Variants in NOXA1 observed in about 807,000 individuals in gnomAD.
NOXA1 encodes NCF2-like protein.
In NOXA1, 56 loss-of-function variants were observed where a neutral mutation model predicts 64.8. The ratio of observed to expected loss-of-function variants is 0.86; its 90% CI spans 0.70 to 1.08. The LOEUF (loss-of-function observed/expected upper bound fraction) is 1.08, where lower values mean the gene tolerates loss of function less well. Ranked by LOEUF, NOXA1 falls within the 50% of genes least tolerant of loss-of-function variation. NOXA1 has a pLI of 0.00. For missense variants in NOXA1, 668 were observed against 658.5 expected (o/e 1.01, Z -0.16); for synonymous variants, 295 against 294.8 (o/e 1.00, Z -0.01).
intron 2 of NOXA1, among the ~76,000 whole-genome samples, chr9:137,427,764 G>A (rs1223554889): frequency 6.6e-6 from 1 of 152,242 alleles, no homozygotes; most frequent in Non-Finnish European, 1.5e-5. Flanking sequence ...GAGAGGCTTG[G>A]GGGCGGGCAG....
At position 137,433,792 on chromosome 9, in the gene NOXA1, C is replaced by T. The variant is rs138118682; in HGVS notation, c.1107C>T (p.Pro369=). The change falls in exon 12 of 14, where the codon CCC becomes CCT. Residue 369 remains proline, a synonymous_variant. Coordinates refer to ENST00000683555, the MANE Select transcript of NOXA1 (RefSeq NM_001256067.2). ...AGGACGGGCACTGGGTCCCCATCCC[C>T]GAGGAGGAGTCGCTGCAGAGGGCCT... ...PGEDGHWVPI[P]EEESLQRAWQ... 430 of 1,454,282 alleles carry T rather than the reference C, an allele frequency of 3.0e-4. 5 individuals are homozygous for T. The East Asian group carries it at 0.01, about 35-fold the overall frequency. 90.1% of individuals were successfully genotyped at this position (1,454,282 alleles called of 1,614,324 possible).
At chr9:137,427,235 T>C (rs1838877391) in intron 2 of NOXA1, among the ~76,000 whole-genome samples, 1 of 152,066 alleles carries the variant, frequency 6.6e-6, no homozygotes, top group Admixed American at 6.5e-5. Flanking sequence ...GGCTCACGGG[T>C]GTGAGAACTA....
Position 137,423,497 on chromosome 9 carries a change from C to T in NOXA1, c.-33C>T. 1 of 1,279,242 alleles carries T rather than the reference C, an allele frequency of 7.8e-7. No individual in the cohort carries two copies. Among genetic ancestry groups the T allele is most frequent in the Non-Finnish European group, 9.9e-7 (1 of 1,012,922 alleles). The allele number at this position is 1,279,242 out of a possible 1,614,324, so 79.2% of individuals were successfully genotyped here. ...CCGGCCCCGGCCCCTCCGCGGGATC[C>T]TGGCCCCTCCTCGAGCGCCGCCACC... On this transcript the variant is annotated 5_prime_UTR_variant, in exon 1 of 14. Coordinates refer to ENST00000683555, the MANE Select transcript of NOXA1 (RefSeq NM_001256067.2).
At chr9:137,433,398 C>G in intron 10 of NOXA1, 55 bp from the exon 11 acceptor site, 3 of 1,548,836 alleles carry the variant, frequency 1.9e-6, no homozygotes, top group South Asian at 2.3e-5. Context: ...TGAAGACGGC[C>G]CTGACCAGGC....
In NOXA1 at chr9:137,431,457, G is replaced by A; in HGVS notation, c.804+116G>A. 1 of 837,600 alleles carries A rather than the reference G, an allele frequency of 1.2e-6. No individual in the cohort carries two copies. Among genetic ancestry groups the A allele is most frequent in the Non-Finnish European group, 1.9e-6 (1 of 525,710 alleles). 51.9% of individuals were successfully genotyped at this position (837,600 alleles called of 1,614,324 possible). A position where few individuals can be genotyped will look rare whatever the true frequency, so the allele number is the denominator to read the frequency against. ...GGAGGGAGCAGCTCGCTGGGGGGTA[G>A]ACGGGGCCGGGCTCACCCGTGGTCC... On this transcript the variant is annotated intron_variant, in intron 8 of 13. Coordinates refer to ENST00000683555, the MANE Select transcript of NOXA1 (RefSeq NM_001256067.2). This position sits in a 1 kb window ranked among gnomAD's most constrained non-coding sequence, Gnocchi z 5.6.
rs370508608 is a variant in NOXA1, at chr9:137,431,122, C to A, written c.698+22C>A. On this transcript the variant is annotated intron_variant, in intron 7 of 13. Transcript: ENST00000683555. This position sits in a 1 kb window ranked among gnomAD's most constrained non-coding sequence, Gnocchi z 5.6. The stretch of plus-strand genomic sequence containing the variant: ...CCAGGTAGGAGGGGCTGACTGGGCC[C>A]TGCGAGCGCGTGCCTTTCCTGCTGG... 3 of 1,612,814 alleles carry A rather than the reference C, an allele frequency of 1.9e-6. No homozygotes were observed. Among genetic ancestry groups the A allele is most frequent in the South Asian group, 1.1e-5 (1 of 91,072 alleles).
intron 5 of NOXA1, among the ~76,000 whole-genome samples, chr9:137,429,923 T>C (rs1186373479): frequency 2.1e-5 from 2 of 96,720 alleles, no homozygotes; most frequent in East Asian, 3.5e-4. Context: ...CTGCCACAGA[T>C]AGCGAGGTCC....
intron 3 of NOXA1, among the ~76,000 whole-genome samples, 173 bp from the exon 4 acceptor site, chr9:137,428,709 A>G (rs1838949830): frequency 1.1e-5 from 1 of 93,032 alleles, no homozygotes; most frequent in African/African-American, 4.2e-5. Context: ...ACGGGGGAGA[A>G]GCCAGGTGGG....
At chr9:137,429,229 C>A in intron 4 of NOXA1, 47 bp from the exon 5 acceptor site, 1 of 1,420,644 alleles carries the variant, frequency 7.0e-7, no homozygotes, top group Non-Finnish European at 9.5e-7. Flanking sequence ...GGCTGCAGGC[C>A]TGGTTGGTCA....
Position 137,431,411 on chromosome 9 carries a change from C to T in NOXA1, c.804+70C>T, listed in dbSNP as rs1839104832. On this transcript the variant is annotated intron_variant, in intron 8 of 13. Transcript: ENST00000683555. This position sits in a 1 kb window ranked among gnomAD's most constrained non-coding sequence, Gnocchi z 5.6. ...TGCTGCCTCCGCAGACTGGGGACCA[C>T]AATGGGACCAACATGAGGGTGGAGG... The T allele has an allele frequency of 7.9e-7, 1 of 1,259,682 alleles. No individual in the cohort carries two copies. Among genetic ancestry groups the T allele is most frequent in the Admixed American group, 1.8e-5 (1 of 56,896 alleles). The allele number at this position is 1,259,682 out of a possible 1,614,324, so 78.0% of individuals were successfully genotyped here.
chr9:137,434,050 AG>A lies in NOXA1; in HGVS notation c.1270del (p.Asp424ThrfsTer?). 1 of 1,576,600 alleles carries A rather than the reference AG, an allele frequency of 6.3e-7. No individual in the cohort carries two copies. The highest frequency in any genetic ancestry group is 8.6e-7 in the Non-Finnish European group (1 of 1,165,174). ...AQGPEDLGFR[Q>X]GDTVDVLCEV... ...GGGCCAGAGGACCTGGGCTTCCGAC[AG>A]GGGGACACGGTGGACGTCCTGTGTG... On this transcript the variant is annotated frameshift_variant, in exon 13 of 14. Transcript: ENST00000683555. LOFTEE classifies it low-confidence loss of function (END_TRUNC).
Position 137,433,882 on chromosome 9 carries a change from C to A in NOXA1, c.1179+18C>A. On this transcript the variant is annotated intron_variant, in intron 12 of 13. Coordinates refer to ENST00000683555, the MANE Select transcript of NOXA1 (RefSeq NM_001256067.2). ...AGTGCAGGGTGAGCCAAGGGCGAGG[C>A]AGGGGCAGGGGCACCCTGAGGGGCG... 6.9e-7 allele frequency: 1 copy of A among 1,452,908 alleles called. No homozygotes were observed. Among genetic ancestry groups the A allele is most frequent in the Non-Finnish European group, 9.1e-7 (1 of 1,094,208 alleles). The allele number at this position is 1,452,908 out of a possible 1,614,324, so 90.0% of individuals were successfully genotyped here. A position where few individuals can be genotyped will look rare whatever the true frequency, so the allele number is the denominator to read the frequency against.
Position 137,430,767 on chromosome 9 carries a change from C to T in NOXA1, c.613-17C>T. On this transcript the variant is annotated splice_polypyrimidine_tract_variant and intron_variant, in intron 5 of 13. Coordinates refer to ENST00000683555, the MANE Select transcript of NOXA1 (RefSeq NM_001256067.2). Reference sequence around the variant, plus strand: ...GGCCGCTGATCCCTGACCCAGCGTCCCCACTGTCCCCGCCAGGTGGTGGCC... The same window carrying T: ...GGCCGCTGATCCCTGACCCAGCGTCTCCACTGTCCCCGCCAGGTGGTGGCC... 1 of 1,588,760 alleles carries T rather than the reference C, an allele frequency of 6.3e-7. No homozygotes were observed.
At chr9:137,430,294 A>C (rs1281136596) in intron 5 of NOXA1, among the ~76,000 whole-genome samples, 1 of 150,418 alleles carries the variant, frequency 6.6e-6, no homozygotes, top group Non-Finnish European at 1.5e-5. Context: ...TCACCCCCAA[A>C]GGCAGCGGGC....
chr9:137,429,986 CTGTGT>C, intron 5 of NOXA1, among the ~76,000 whole-genome samples: 1 of 125,764 alleles, frequency 8.0e-6, no homozygotes, highest in African/African-American at 3.3e-5. Context: ...AGGGGGGTGC[CTGTGT>C]CCCTGCCACA....
chr9:137,431,015 G>C lies in NOXA1; in HGVS notation c.673-60G>C. On this transcript the variant is annotated intron_variant, in intron 6 of 13. Transcript: ENST00000683555. The surrounding 1 kb of genome is among the most constrained non-coding windows in gnomAD (Gnocchi z 5.6). Reference sequence around the variant, plus strand: ...GGGGAAACCACTCTTCAAGGTTCAGGAGGAGGGAGGGCGGCCCCCGACCCT... The same window carrying C: ...GGGGAAACCACTCTTCAAGGTTCAGCAGGAGGGAGGGCGGCCCCCGACCCT... 1 of 1,612,194 alleles carries C rather than the reference G, an allele frequency of 6.2e-7. No homozygotes were observed. The highest frequency in any genetic ancestry group is 2.2e-5 in the East Asian group (1 of 44,878).
At chr9:137,434,108 G>C in intron 13 of NOXA1, 29 bp downstream of exon 13, 1 of 1,581,854 alleles carries the variant, frequency 6.3e-7, no homozygotes, top group South Asian at 1.1e-5. Context: ...TTCCCAGGCA[G>C]CACCGTGGTG....
chr9:137,426,118 G>C (rs940924851), intron 1 of NOXA1, 130 bp from the exon 2 acceptor site: 1 of 789,158 alleles, frequency 1.3e-6, no homozygotes, highest in African/African-American at 1.7e-5. Context: ...CTGGACAGGA[G>C]CAGGAGGGGC....
chr9:137,426,381 C>T, intron 2 of NOXA1, 51 bp downstream of exon 2: 1 of 1,466,452 alleles, frequency 6.8e-7, no homozygotes, highest in Non-Finnish European at 9.6e-7. Context: ...TGTCTCCCTG[C>T]AGAGTCCACT....
Sources: allele counts gnomAD v4.1 joint callset (sites outside exome capture counted in the v4.1 genomes callset), GRCh38; gene constraint gnomAD v4.1.1; non-coding constraint Gnocchi (gnomAD v3.1); transcripts MANE v1.5; gene names NCBI Gene and HGNC (gene_info 2026-07-23, HGNC 2026-07-21).